The following KIF1B variants were observed in gnomAD, a reference collection of about 807,000 sequenced individuals.
KIF1B encodes the protein kinesin-like protein KIF1B.
KIF1B carries 76 observed loss-of-function variants against 241.9 expected under a neutral mutation model. The ratio of observed to expected loss-of-function variants is 0.31; its 90% CI spans 0.26 to 0.38. The LOEUF is 0.38. KIF1B is among the 10% of genes least tolerant of loss of function. The pLI, the probability that KIF1B is intolerant of heterozygous loss-of-function variation, is 1.00. For missense variants in KIF1B, 1,622 were observed against 2,271.4 expected, an observed-to-expected ratio of 0.71 and a Z score of 5.81; for synonymous variants, 750 against 796.7, an observed-to-expected ratio of 0.94 and a Z score of 0.99.
intron 4 of KIF1B, 51 bp from the exon 5 acceptor site, chr1:10,261,854 A>G (rs1238486085): frequency 8.6e-7 from 1 of 1,166,232 alleles, no homozygotes; most frequent in Admixed American, 1.7e-5. Context: ...TGGATGACTT[A>G]GTACTCCTCT....
chr1:10,244,615 C>CTT (rs773950544), intron 2 of KIF1B, among the ~76,000 whole-genome samples: 2,464 of 103,820 alleles, frequency 0.024, 40 homozygotes, highest in Non-Finnish European at 0.036. Flanking sequence ...CCCGGCCCTC[C>CTT]TTTTTTTTTT....
chr1:10,297,700 CT>C lies in KIF1B; in HGVS notation c.2115+465del, dbSNP rs547372198. ...TGGGATTGTTCTTACGCTGGGCAGACTTTTTTTTTTTAAGTTAAACTGTGTC... is the reference window on the plus strand; with the variant it reads ...TGGGATTGTTCTTACGCTGGGCAGACTTTTTTTTTTAAGTTAAACTGTGTC... On this transcript the variant is annotated intron_variant, in intron 22 of 48. Coordinates refer to ENST00000676179, the MANE Select transcript of KIF1B (RefSeq NM_001365951.3). Among the ~76,000 whole-genome samples the C allele has an allele frequency of 2.4e-3, 356 of 146,366 alleles. 2 individuals carry two copies. The highest frequency in any genetic ancestry group is 5.9e-3 in the African/African-American group (239 of 40,256).
chr1:10,305,980 A>G (rs909541689), intron 22 of KIF1B: 67 of 1,052,208 alleles, frequency 6.4e-5, no homozygotes, highest in Non-Finnish European at 4.4e-5. Flanking sequence ...GTGAAAAACT[A>G]CAGCCAAGAT....
chr1:10,249,716 A>G (rs1018484691), intron 2 of KIF1B, among the ~76,000 whole-genome samples: 6 of 152,100 alleles, frequency 3.9e-5, no homozygotes, highest in Admixed American at 3.3e-4. Context: ...AGCTGGAGCA[A>G]CCTAGGGAGA....
chr1:10,314,769 G>A (rs1651229217), intron 22 of KIF1B, among the ~76,000 whole-genome samples: 1 of 151,590 alleles, frequency 6.6e-6, no homozygotes, highest in Non-Finnish European at 1.5e-5. Flanking sequence ...TTTCATGTTA[G>A]TTTTGGTTAC....
At chr1:10,322,125 A>C (rs1036869789) in intron 24 of KIF1B, among the ~76,000 whole-genome samples, 1 of 152,242 alleles carries the variant, frequency 6.6e-6, no homozygotes, top group African/African-American at 2.4e-5. Context: ...GAAACATAGT[A>C]ATAGAAAAAT....
intron 44 of KIF1B, among the ~76,000 whole-genome samples, chr1:10,370,204 C>G (rs1220057944): frequency 6.6e-6 from 1 of 152,182 alleles, no homozygotes; most frequent in Non-Finnish European, 1.5e-5. Context: ...GAGCCAAGAT[C>G]GCACCACTGC....
At chr1:10,306,791 A>C (rs1377516085) in intron 22 of KIF1B, 10 of 569,442 alleles carry the variant, frequency 1.8e-5, no homozygotes, top group African/African-American at 2.0e-5. Flanking sequence ...AAAAGGTAAT[A>C]TTTATTATAT....
At chr1:10,287,714 C>CA (rs1557689651) in intron 15 of KIF1B, among the ~76,000 whole-genome samples, 1 of 152,146 alleles carries the variant, frequency 6.6e-6, no homozygotes, top group Non-Finnish European at 1.5e-5. Flanking sequence ...GAGTTGGCTG[C>CA]AAAATGGTAA....
Position 10,350,856 on chromosome 1 carries a change from G to C in KIF1B, c.3950-1775G>C, listed in dbSNP as rs528121944. Among the ~76,000 whole-genome samples, 67 of 152,286 alleles carry C rather than the reference G, an allele frequency of 4.4e-4. 3 individuals carry two copies. The South Asian group carries it at 0.014, about 31-fold the overall frequency. ...TCACGCCTGTAATCCCAGCACTTTGGGAGGCCAAGGCAGGCGGATCACTTA... is the reference window on the plus strand; with the variant it reads ...TCACGCCTGTAATCCCAGCACTTTGCGAGGCCAAGGCAGGCGGATCACTTA... On this transcript the variant is annotated intron_variant, in intron 37 of 48. Coordinates refer to ENST00000676179, the MANE Select transcript of KIF1B (RefSeq NM_001365951.3).
chr1:10,376,618 C>T lies in KIF1B; in HGVS notation c.*31C>T, dbSNP rs746432569. ...TCTGCCGAGTGCCCTCACTCGCCTT[C>T]GAGAGATAAAGAAAGCGTTACCTCT... is the stretch of plus-strand genomic sequence containing the variant. On this transcript the variant is annotated 3_prime_UTR_variant, in exon 49 of 49. Transcript: ENST00000676179. 2.2e-5 allele frequency: 36 copies of T among 1,606,306 alleles called. No homozygotes were observed. The highest frequency in any genetic ancestry group is 7.7e-5 in the South Asian group (7 of 90,900).
chr1:10,342,118 T>C lies in KIF1B; in HGVS notation c.3582T>C (p.Phe1194=), dbSNP rs1459410102. The change falls in exon 33 of 49, where the codon TTT becomes TTC. Residue 1194 remains phenylalanine, a synonymous_variant. Transcript: ENST00000676179. ...CCAAGCCTATTGTATTTGAAGTCTTTGGGCATTATCAGCAGCACCCACTTC... is the reference window on the plus strand; with the variant it reads ...CCAAGCCTATTGTATTTGAAGTCTTCGGGCATTATCAGCAGCACCCACTTC... The part of the protein sequence containing the change: ...IKTKPIVFEV[F]GHYQQHPLHL... 1.9e-6 allele frequency: 3 copies of C among 1,614,026 alleles called. No homozygotes were observed. The highest frequency in any genetic ancestry group is 4.5e-5 in the East Asian group (2 of 44,878).
intron 22 of KIF1B, among the ~76,000 whole-genome samples, chr1:10,316,910 T>A (rs988772546): frequency 5.3e-5 from 8 of 151,662 alleles, no homozygotes; most frequent in East Asian, 3.9e-4. Flanking sequence ...ACCTTTTTTT[T>A]GTTTTTTTGT....
At chr1:10,220,172 C>A (rs570933005) in intron 1 of KIF1B, among the ~76,000 whole-genome samples, 1 of 151,040 alleles carries the variant, frequency 6.6e-6, no homozygotes, top group East Asian at 1.9e-4. Flanking sequence ...CCATTGCACT[C>A]CAGCCTGGGC....
chr1:10,256,042 C>A (rs1198777317), intron 2 of KIF1B, among the ~76,000 whole-genome samples: 1 of 151,546 alleles, frequency 6.6e-6, no homozygotes, highest in Non-Finnish European at 1.5e-5. Flanking sequence ...CTCCTGACCT[C>A]TAGTGATCCA....
intron 43 of KIF1B, among the ~76,000 whole-genome samples, chr1:10,366,625 T>C (rs1328753678): frequency 6.6e-6 from 1 of 152,172 alleles, no homozygotes; most frequent in Admixed American, 6.5e-5. Context: ...CTGAAGAGTT[T>C]AGAGTGGATG....
chr1:10,298,178 C>T (rs928012205), intron 22 of KIF1B, among the ~76,000 whole-genome samples: 15 of 152,176 alleles, frequency 9.9e-5, no homozygotes, highest in African/African-American at 3.4e-4. Flanking sequence ...AGGAAGTTCT[C>T]ATTTTTTAAG....
chr1:10,355,312 C>T (rs188316368), intron 38 of KIF1B: 1 of 152,638 alleles, frequency 6.6e-6, no homozygotes, highest in African/African-American at 2.4e-5. Flanking sequence ...CTGATTCTCT[C>T]CCTTATTTCT....
chr1:10,235,277 G>C (rs1647035962), intron 2 of KIF1B, among the ~76,000 whole-genome samples: 1 of 152,090 alleles, frequency 6.6e-6, no homozygotes, highest in African/African-American at 2.4e-5. Context: ...TTTGAAACAG[G>C]ATCTCACTCT....
Sources: gnomAD v4.1 joint callset for allele counts (sites outside exome capture counted in the v4.1 genomes callset) on GRCh38, gnomAD v4.1.1 for gene constraint, MANE v1.5 for transcripts, NCBI Gene and HGNC (gene_info 2026-07-23, HGNC 2026-07-21) for gene names.